Variants in VPS13C observed in about 807,000 individuals in gnomAD.
VPS13C encodes vacuolar protein sorting 13 homolog C, also known as intermembrane lipid transfer protein VPS13C.
In VPS13C, 358 loss-of-function variants were observed where a neutral mutation model predicts 456.8. The observed-to-expected ratio is 0.78, with a 90% CI of 0.72 to 0.86. VPS13C has a LOEUF of 0.86. Among genes scored for constraint, VPS13C ranks in the 40% least tolerant of loss-of-function variants. The probability of loss-of-function intolerance (pLI) is 0.00; values close to 1 mark genes in which losing one functional copy is unlikely to be tolerated. For synonymous variants in VPS13C, 1,578 were observed against 1,486.7 expected (o/e 1.06, Z -1.41); for missense variants, 4,818 against 4,385.4 (o/e 1.10, Z -2.79).
intron 9 of VPS13C, 77 bp from the exon 10 acceptor site, chr15:62,014,069 C>G: frequency 1.9e-6 from 2 of 1,036,756 alleles, no homozygotes; most frequent in Non-Finnish European, 2.8e-6. Context: ...CATAATGTAA[C>G]AAAATAATTT....
chr15:62,049,590 T>C (rs995161547), intron 1 of VPS13C, among the ~76,000 whole-genome samples: 57 of 152,256 alleles, frequency 3.7e-4, no homozygotes, highest in Non-Finnish European at 5.9e-4. Flanking sequence ...ACATGGGCTC[T>C]TTTTTGGTTC....
At chr15:61,859,649 C>A (rs920278975) in intron 82 of VPS13C, among the ~76,000 whole-genome samples, 2 of 152,158 alleles carry the variant, frequency 1.3e-5, no homozygotes, top group Non-Finnish European at 2.9e-5. Context: ...TTTCCCATGA[C>A]ACTGTGGTCC....
intron 16 of VPS13C, among the ~76,000 whole-genome samples, chr15:62,000,081 G>A (rs949527820): frequency 1.3e-5 from 2 of 152,030 alleles, no homozygotes; most frequent in African/African-American, 2.4e-5. Context: ...TTTCTAAGTG[G>A]CCAGGCGCAG....
intron 1 of VPS13C, among the ~76,000 whole-genome samples, chr15:62,045,012 T>C (rs1484415426): frequency 6.6e-6 from 1 of 152,174 alleles, no homozygotes; most frequent in Non-Finnish European, 1.5e-5. Flanking sequence ...TTTTAAAAAC[T>C]ATAGTAGCTA....
chr15:61,946,248 A>C lies in VPS13C; in HGVS notation c.4980+59T>G, dbSNP rs1026874142. 12 of 1,257,784 alleles carry C rather than the reference A, an allele frequency of 9.5e-6. No homozygotes were observed. The African/African-American group carries it at 1.7e-4, about 18-fold the overall frequency. The allele number at this position is 1,257,784 out of a possible 1,614,324, so 77.9% of individuals were successfully genotyped here. Reference sequence around the variant, plus strand: ...AATGTATACTGTGCAAATAAATAATAGCATCTCAAATCCAAAAGGCAAAAT... The same window carrying C: ...AATGTATACTGTGCAAATAAATAATCGCATCTCAAATCCAAAAGGCAAAAT... On this transcript the variant is annotated intron_variant, in intron 44 of 84. Transcript: ENST00000644861.
At chr15:61,953,975 T>A (rs932007522) in intron 38 of VPS13C, among the ~76,000 whole-genome samples, 5 of 152,180 alleles carry the variant, frequency 3.3e-5, no homozygotes, top group Non-Finnish European at 5.9e-5. Flanking sequence ...AATAAATATT[T>A]GTTGGATGGG....
At chr15:62,015,180 C>A (rs1246914531) in intron 9 of VPS13C, among the ~76,000 whole-genome samples, 1 of 152,136 alleles carries the variant, frequency 6.6e-6, no homozygotes, top group Non-Finnish European at 1.5e-5. Context: ...CTCTCTCTAT[C>A]CTTTAGAACA....
chr15:61,976,976 T>C, intron 24 of VPS13C, 106 bp downstream of exon 24: 1 of 729,870 alleles, frequency 1.4e-6, no homozygotes, highest in Non-Finnish European at 2.3e-6. Flanking sequence ...ATAATCATTT[T>C]TGCTGTCTCC....
chr15:61,934,144 A>G, intron 49 of VPS13C, 75 bp downstream of exon 49: 1 of 965,308 alleles, frequency 1.0e-6, no homozygotes, highest in Non-Finnish European at 1.5e-6. Context: ...GTCCCACACA[A>G]AAAAAAGCCA....
At chr15:62,005,353 T>A (rs1481136617) in intron 15 of VPS13C, among the ~76,000 whole-genome samples, 2 of 152,310 alleles carry the variant, frequency 1.3e-5, no homozygotes, top group East Asian at 1.9e-4. Context: ...TGCCTTTTTT[T>A]GTTTTCCATT....
rs550317351 is a variant in VPS13C at position 61,894,088 on chromosome 15, C to G, written c.9106-3688G>C. Among the ~76,000 whole-genome samples the G allele has an allele frequency of 5.9e-5, 9 of 152,078 alleles. No individual in the cohort carries two copies. The East Asian group carries it at 1.7e-3, about 29-fold the overall frequency. The stretch of plus-strand genomic sequence containing the variant: ...TGGGAGGCCGAGGTGGGCGGATTGT[C>G]TGAGGTCAAGAGTTTGAGACCAGTC... On this transcript the variant is annotated intron_variant, in intron 66 of 84. Coordinates refer to ENST00000644861, the MANE Select transcript of VPS13C (RefSeq NM_020821.3).
chr15:62,013,172 T>C, intron 10 of VPS13C, 53 bp from the exon 11 acceptor site: 2 of 1,348,472 alleles, frequency 1.5e-6, no homozygotes, highest in Admixed American at 2.0e-5. Flanking sequence ...AAATTATGAA[T>C]CAATATTAAA....
rs779919682 is a variant in VPS13C, at chr15:61,911,790, A to G, written c.8715+50T>C. ...ATATACAATTCTTATTTAGATGTCA[A>G]TATTTATTTGTATATTTTAGGAATC... On this transcript the variant is annotated intron_variant, in intron 63 of 84. Coordinates refer to ENST00000644861, the MANE Select transcript of VPS13C (RefSeq NM_020821.3). The G allele has an allele frequency of 6.2e-6, 9 of 1,458,646 alleles. No individual in the cohort carries two copies. The Admixed American group carries it at 8.6e-5, about 14-fold the overall frequency. The allele number at this position is 1,458,646 out of a possible 1,614,324, so 90.4% of individuals were successfully genotyped here.
At chr15:61,890,734 T>A (rs1233261967) in intron 66 of VPS13C, among the ~76,000 whole-genome samples, 1 of 152,118 alleles carries the variant, frequency 6.6e-6, no homozygotes, top group East Asian at 1.9e-4. Flanking sequence ...GAAAACAGAA[T>A]GGTTCGGAAG....
chr15:61,979,978 G>A (rs1398352575), intron 22 of VPS13C, among the ~76,000 whole-genome samples: 1 of 151,918 alleles, frequency 6.6e-6, no homozygotes, highest in Non-Finnish European at 1.5e-5. Context: ...GAGGTCAGGA[G>A]TTCGAGACCA....
chr15:61,890,243 G>A lies in VPS13C; in HGVS notation c.9263C>T (p.Thr3088Ile), dbSNP rs745656828. Residue 3088 changes from threonine (T) to isoleucine (I), a missense_variant, in exon 67 of 85, where the codon ACC becomes ATC. Thr to Ile is a moderately conservative substitution (Grantham distance 89). Around this residue, in one of 3 missense-constraint regions of VPS13C, gnomAD observed 4,552 missense variants for 4,130.6 expected, o/e 1.10. Coordinates refer to ENST00000644861, the MANE Select transcript of VPS13C (RefSeq NM_020821.3). ...AAGCCCAAGACTGTGGAGAGACAAG[G>A]TTATTTCATAATCAGCCTGTTCCAT... ...EEMEQADYEI[T>I]LSLHSLGLSL... is the part of the protein sequence containing the mutation. 6.2e-7 allele frequency: 1 copy of A among 1,614,066 alleles called. No individual in the cohort carries two copies. Among genetic ancestry groups the A allele is most frequent in the South Asian group, 1.1e-5 (1 of 91,084 alleles).
chr15:62,037,295 ATATAAT>A (rs1454708879), intron 3 of VPS13C, among the ~76,000 whole-genome samples: 1,521 of 77,384 alleles, frequency 0.02, 67 homozygotes, highest in East Asian at 0.082. Context: ...ATATTATATT[ATATAAT>A]ATATATATAA....
rs1426375448 is a variant in VPS13C, at chr15:62,007,409, T to A, written c.1189A>T (p.Asn397Tyr). Residue 397 changes from asparagine to tyrosine, a missense_variant, in exon 15 of 85, where the codon AAC becomes TAC. Asn to Tyr is a moderately radical substitution (Grantham distance 143). Transcript: ENST00000644861. ...AGTAACTGCCTGTGCTTTTTTATGT[T>A]ACTCCATGACCACATCTGTGTATAC... is the stretch of plus-strand genomic sequence containing the variant. ...RRYTQMWSWS[N>Y]IKKHRQLLKS... 1 of 1,613,068 alleles carries A rather than the reference T, an allele frequency of 6.2e-7. No homozygotes were observed. Among genetic ancestry groups the A allele is most frequent in the Non-Finnish European group, 8.5e-7 (1 of 1,179,606 alleles).
At chr15:61,989,244 C>CA (rs902550265) in intron 18 of VPS13C, among the ~76,000 whole-genome samples, 14 of 149,332 alleles carry the variant, frequency 9.4e-5, no homozygotes, top group Non-Finnish European at 1.9e-4. Flanking sequence ...AAAAAAAATA[C>CA]AAAAAATTAG....
Sources: gnomAD v4.1 joint callset for allele counts (sites outside exome capture counted in the v4.1 genomes callset) on GRCh38, gnomAD v4.1.1 for gene constraint, gnomAD v4.1.1 regional missense constraint, MANE v1.5 for transcripts, NCBI Gene and HGNC (gene_info 2026-07-23, HGNC 2026-07-21) for gene names.